The following ZKSCAN5 variants were observed in gnomAD, a reference collection of about 807,000 sequenced individuals.
The protein encoded by ZKSCAN5 is zinc finger with KRAB and SCAN domains 5.
In ZKSCAN5, 28 loss-of-function variants were observed where a neutral mutation model predicts 60.0. The ratio of observed to expected loss-of-function variants is 0.47; its 90% CI spans 0.35 to 0.64. The LOEUF (loss-of-function observed/expected upper bound fraction) is 0.64, where lower values mean the gene tolerates loss of function less well. ZKSCAN5 is among the 30% of genes least tolerant of loss of function. ZKSCAN5 has a pLI of 0.01. For synonymous variants in ZKSCAN5, 361 were observed against 371.2 expected, an observed-to-expected ratio of 0.97 and a Z score of 0.31; for missense variants, 881 against 1,034.6, an observed-to-expected ratio of 0.85 and a Z score of 2.04.
intron 3 of ZKSCAN5, among the ~76,000 whole-genome samples, chr7:99,514,301 T>C (rs2151100538): frequency 6.6e-6 from 1 of 152,350 alleles, no homozygotes; most frequent in East Asian, 1.9e-4. Context: ...GAATCTCTGT[T>C]ACACTTTCAG....
chr7:99,515,786 A>C (rs1247753877), intron 3 of ZKSCAN5, among the ~76,000 whole-genome samples: 2 of 150,864 alleles, frequency 1.3e-5, no homozygotes, highest in East Asian at 3.9e-4. Context: ...GTGAGCAGAG[A>C]TCGTACCACT....
intron 1 of ZKSCAN5, 97 bp from the exon 2 acceptor site, chr7:99,505,895 CTCTTTGCCATCTG>C (rs1562899788): frequency 3.3e-6 from 3 of 904,762 alleles, no homozygotes; most frequent in Non-Finnish European, 4.9e-6. Context: ...TATAGATGAC[CTCTTTGCCATCTG>C]TCTTTGCTAA....
In ZKSCAN5 at chr7:99,531,942, C is replaced by G. The variant is rs770108930; in HGVS notation, c.2213C>G (p.Thr738Ser). 1.9e-6 allele frequency: 3 copies of G among 1,614,146 alleles called. No homozygotes were observed. Among genetic ancestry groups the G allele is most frequent in the Non-Finnish European group, 2.5e-6 (3 of 1,180,036 alleles). ...TCAGACCTCATTCAGCATTACAGAA[C>G]TCATACAGCAGAGAAGCCCTATCAA... is the stretch of plus-strand genomic sequence containing the variant. The part of the protein sequence containing the change: ...YSSDLIQHYR[T>S]HTAEKPYQCD... Residue 738 changes from threonine (T) to serine (S), a missense_variant, in exon 7 of 7, where the codon ACT (threonine) becomes AGT (serine). By Grantham distance (58) the Thr-to-Ser change is moderately conservative. Around this residue, in one of 5 missense-constraint regions of ZKSCAN5, gnomAD observed 138 missense variants for 143.8 expected, o/e 0.96. Coordinates refer to ENST00000326775, the MANE Select transcript of ZKSCAN5 (RefSeq NM_145102.4).
chr7:99,508,084 G>T (rs1291634495), intron 2 of ZKSCAN5, among the ~76,000 whole-genome samples: 1 of 151,978 alleles, frequency 6.6e-6, no homozygotes, highest in African/African-American at 2.4e-5. Flanking sequence ...CAGTTCATGA[G>T]GTCAGAAGAT....
Position 99,512,518 on chromosome 7 carries a change from C to G in ZKSCAN5, c.480C>G (p.Cys160Trp). The change falls in exon 3 of 7, where the codon TGC becomes TGG. Residue 160 changes from cysteine to tryptophan, a missense_variant. Around this residue, in one of 5 missense-constraint regions of ZKSCAN5, gnomAD observed 490 missense variants for 554.5 expected, o/e 0.88. Transcript: ENST00000326775. ...MATPGAVQES[C>W]SPHPLTVDTQ... is the part of the protein sequence containing the mutation. ...CACCTGGAGCAGTGCAGGAGTCCTG[C>G]AGCCCCCATCCCCTGACCGTGGACA... is the stretch of plus-strand genomic sequence containing the variant. 1 of 1,614,120 alleles carries G rather than the reference C, an allele frequency of 6.2e-7. No homozygotes were observed. The highest frequency in any genetic ancestry group is 1.1e-5 in the South Asian group (1 of 91,078).
Position 99,531,921 on chromosome 7 carries a change from A to G in ZKSCAN5, c.2192A>G (p.Asp731Gly). 6.2e-7 allele frequency: 1 copy of G among 1,614,152 alleles called. No homozygotes were observed. Among genetic ancestry groups the G allele is most frequent in the Non-Finnish European group, 8.5e-7 (1 of 1,180,048 alleles). Residue 731 changes from aspartate to glycine, a missense_variant, in exon 7 of 7, where the codon GAC becomes GGC. Physicochemically the swap from Asp to Gly is moderately conservative, Grantham distance 94. Around this residue, in one of 5 missense-constraint regions of ZKSCAN5, gnomAD observed 138 missense variants for 143.8 expected, o/e 0.96. Transcript: ENST00000326775. ...GGAAAAGCCTTTGGTTATAGCTCAG[A>G]CCTCATTCAGCATTACAGAACTCAT... ...ICGKAFGYSS[D>G]LIQHYRTHTA...
rs748593651 is a variant in ZKSCAN5 at position 99,534,447 on chromosome 7, G to A, written c.*2198G>A. On this transcript the variant is annotated 3_prime_UTR_variant, in exon 7 of 7. Coordinates refer to ENST00000326775, the MANE Select transcript of ZKSCAN5 (RefSeq NM_145102.4). The stretch of plus-strand genomic sequence containing the variant: ...ACCCAGCACTTTGGGAGGCTGAGGC[G>A]GGCAGATCACGAGGTCAAGAGATCG... 6.6e-5 allele frequency: 10 copies of A among 152,112 alleles called. No individual in the cohort carries two copies. The highest frequency in any genetic ancestry group is 2.2e-4 in the African/African-American group (9 of 41,398). The allele number at this position is 152,112 out of a possible 1,614,324, so 9.4% of individuals were successfully genotyped here.
chr7:99,523,302 A>G (rs1030542264), intron 5 of ZKSCAN5, among the ~76,000 whole-genome samples: 2 of 151,866 alleles, frequency 1.3e-5, no homozygotes, highest in African/African-American at 4.8e-5. Context: ...ACATGTCTCC[A>G]CTGAGAGACA....
intron 5 of ZKSCAN5, among the ~76,000 whole-genome samples, chr7:99,523,940 G>A (rs1043677691): frequency 6.6e-6 from 1 of 152,066 alleles, no homozygotes; most frequent in African/African-American, 2.4e-5. Flanking sequence ...CCATAAAATT[G>A]TAAAGTACTT....
At chr7:99,528,262 A>C (rs1801891487) in intron 6 of ZKSCAN5, among the ~76,000 whole-genome samples, 1 of 151,016 alleles carries the variant, frequency 6.6e-6, no homozygotes, top group Admixed American at 6.7e-5. Flanking sequence ...TTCCCGTTCT[A>C]CTCGATGATT....
chr7:99,526,185 G>A lies in ZKSCAN5; in HGVS notation c.1145G>A (p.Ser382Asn), dbSNP rs1218927367. ...TTTAAGTGCGGAGAATGTGGGAAGA[G>A]CTACAATCAGCGGGTGCACCTCACC... ...KPFKCGECGK[S>N]YNQRVHLTQH... The change falls in exon 6 of 7, where the codon AGC (serine) becomes AAC (asparagine). Residue 382 changes from serine to asparagine, a missense_variant. Ser to Asn is a conservative substitution (Grantham distance 46, BLOSUM62 1). This residue lies in a region of ZKSCAN5 where 490 missense variants were observed against 554.5 expected (regional missense o/e 0.88). Coordinates refer to ENST00000326775, the MANE Select transcript of ZKSCAN5 (RefSeq NM_145102.4). The A allele has an allele frequency of 1.2e-6, 2 of 1,614,198 alleles. No individual in the cohort carries two copies.
At chr7:99,517,773 G>A (rs1801329888) in intron 3 of ZKSCAN5, among the ~76,000 whole-genome samples, 4 of 152,070 alleles carry the variant, frequency 2.6e-5, no homozygotes, top group African/African-American at 9.7e-5. Flanking sequence ...CTTGAACCTG[G>A]GAGGCGGAGG....
intron 3 of ZKSCAN5, among the ~76,000 whole-genome samples, chr7:99,514,822 A>G (rs969934881): frequency 1.3e-5 from 2 of 151,916 alleles, no homozygotes; most frequent in Admixed American, 6.6e-5. Flanking sequence ...GAGTCAGGAG[A>G]ATTGCTTGAA....
At chr7:99,517,999 A>G (rs964512048) in intron 3 of ZKSCAN5, among the ~76,000 whole-genome samples, 2 of 152,116 alleles carry the variant, frequency 1.3e-5, no homozygotes, top group African/African-American at 4.8e-5. Flanking sequence ...AGAGAGAGAG[A>G]GAATAGATTT....
chr7:99,532,429 G>T lies in ZKSCAN5; in HGVS notation c.*180G>T, dbSNP rs190787517. 4.0e-6 allele frequency: 2 copies of T among 503,020 alleles called. No homozygotes were observed. The highest frequency in any genetic ancestry group is 3.2e-5 in the East Asian group (1 of 30,792). The allele number at this position is 503,020 out of a possible 1,614,324, so 31.2% of individuals were successfully genotyped here. ...AACCCACAATAATAGAAATCTTTTCGTGTTCCCCATTGAGAAATGCTTTAG... is the reference window on the plus strand; with the variant it reads ...AACCCACAATAATAGAAATCTTTTCTTGTTCCCCATTGAGAAATGCTTTAG... On this transcript the variant is annotated 3_prime_UTR_variant, in exon 7 of 7. Coordinates refer to ENST00000326775, the MANE Select transcript of ZKSCAN5 (RefSeq NM_145102.4).
intron 1 of ZKSCAN5, chr7:99,505,541 G>A (rs967946022): frequency 6.3e-6 from 1 of 157,500 alleles, no homozygotes; most frequent in Non-Finnish European, 1.4e-5. Context: ...TGGGACCGAT[G>A]GAGTCTCCCC....
At chr7:99,520,731 A>AC (rs1801499353) in intron 5 of ZKSCAN5, among the ~76,000 whole-genome samples, 1 of 152,018 alleles carries the variant, frequency 6.6e-6, no homozygotes, top group Admixed American at 6.6e-5. Context: ...CAGGTGTGGT[A>AC]GCTCATGCCT....
chr7:99,513,951 A>G (rs1801156396), intron 3 of ZKSCAN5, among the ~76,000 whole-genome samples: 2 of 152,130 alleles, frequency 1.3e-5, no homozygotes, highest in Admixed American at 6.5e-5. Context: ...AGGCTGAGGC[A>G]TGAGAATCGT....
chr7:99,518,518 C>T (rs1801368235), intron 3 of ZKSCAN5, among the ~76,000 whole-genome samples: 1 of 151,956 alleles, frequency 6.6e-6, no homozygotes, highest in Non-Finnish European at 1.5e-5. Flanking sequence ...TCTGCAAGTA[C>T]CAAGATCCCC....
Sources: allele counts gnomAD v4.1 joint callset (sites outside exome capture counted in the v4.1 genomes callset), GRCh38; gene constraint gnomAD v4.1.1; regional missense constraint gnomAD v4.1.1; transcripts MANE v1.5; gene names NCBI Gene and HGNC (gene_info 2026-07-23, HGNC 2026-07-21).